Variants in MTAP observed in about 807,000 individuals in gnomAD.
MTAP encodes S-methyl-5'-thioadenosine phosphorylase.
A neutral mutation model predicts 33.6 loss-of-function variants in MTAP; 33 were observed. The ratio of observed to expected loss-of-function variants is 0.98; its 90% CI spans 0.74 to 1.31. The LOEUF (loss-of-function observed/expected upper bound fraction) is 1.31, where lower values mean the gene tolerates loss of function less well. Among genes scored for constraint, MTAP ranks in the 40% most tolerant of loss-of-function variants. The pLI is 0.00. For missense variants in MTAP, 367 were observed against 360.0 expected (o/e 1.02, Z -0.16); for synonymous variants, 148 against 125.7 (o/e 1.18, Z -1.19).
At chr9:21,806,676 T>C (rs1473339950) in intron 1 of MTAP, among the ~76,000 whole-genome samples, 2 of 152,122 alleles carry the variant, frequency 1.3e-5, no homozygotes, top group African/African-American at 4.8e-5. Context: ...AGCCAGAGGC[T>C]ATGGGATTAA....
chr9:21,926,219 G>A (rs1818867075), intron 1 of MTAP, among the ~76,000 whole-genome samples: 2 of 152,168 alleles, frequency 1.3e-5, no homozygotes, highest in Non-Finnish European at 2.9e-5. Flanking sequence ...TAACCTTGTA[G>A]AAGGCAGCTT....
intron 4 of MTAP, among the ~76,000 whole-genome samples, chr9:21,826,944 G>A (rs941733784): frequency 6.6e-6 from 1 of 152,116 alleles, no homozygotes; most frequent in African/African-American, 2.4e-5. Flanking sequence ...ACTGCACGTG[G>A]AAGGGATCTG....
At chr9:21,874,236 A>G (rs949033932) in intron 1 of MTAP, among the ~76,000 whole-genome samples, 3 of 152,356 alleles carry the variant, frequency 2.0e-5, no homozygotes, top group Middle Eastern at 3.4e-3. Flanking sequence ...TGTTTATTCT[A>G]TAATCCCACT....
At chr9:21,804,963 A>G (rs1824170467) in intron 1 of MTAP, among the ~76,000 whole-genome samples, 1 of 152,234 alleles carries the variant, frequency 6.6e-6, no homozygotes, top group South Asian at 2.1e-4. Context: ...AGCACTTGAT[A>G]GAATGTCCAT....
At chr9:21,821,835 A>T (rs143366195) in intron 4 of MTAP, among the ~76,000 whole-genome samples, 1 of 152,116 alleles carries the variant, frequency 6.6e-6, no homozygotes, top group African/African-American at 2.4e-5. Flanking sequence ...CAGGGATTCA[A>T]TTTCTTCCTG....
chr9:21,871,933 T>A (rs964079122), downstream of MTAP, among the ~76,000 whole-genome samples: 1 of 152,214 alleles, frequency 6.6e-6, no homozygotes, highest in African/African-American at 2.4e-5. Flanking sequence ...ATTGTCTGAT[T>A]TCAGTCTTAT....
At chr9:21,930,654 C>T (rs941218777) in intron 1 of MTAP, 2 of 479,510 alleles carry the variant, frequency 4.2e-6, no homozygotes, top group Admixed American at 6.8e-5. Flanking sequence ...AAAACCTCAA[C>T]CATGGCCAGA....
At chr9:21,818,926 C>G (rs1824557225) in intron 4 of MTAP, among the ~76,000 whole-genome samples, 1 of 152,176 alleles carries the variant, frequency 6.6e-6, no homozygotes, top group Admixed American at 6.5e-5. Context: ...TCCCCAAACC[C>G]CAGCCCCTGG....
At chr9:21,895,939 C>A (rs915564005) in intron 1 of MTAP, among the ~76,000 whole-genome samples, 21 of 152,158 alleles carry the variant, frequency 1.4e-4, no homozygotes, top group African/African-American at 5.1e-4. Flanking sequence ...ACTCTCCACC[C>A]CAAATCAACA....
At chr9:21,834,743 T>A (rs562203006) in intron 4 of MTAP, among the ~76,000 whole-genome samples, 1 of 152,228 alleles carries the variant, frequency 6.6e-6, no homozygotes, top group Non-Finnish European at 1.5e-5. Flanking sequence ...AGTCAGCTTG[T>A]TAGCAACCTT....
intron 1 of MTAP, among the ~76,000 whole-genome samples, chr9:21,904,656 A>C (rs1644629019): frequency 6.6e-6 from 1 of 152,202 alleles, no homozygotes; most frequent in African/African-American, 2.4e-5. Flanking sequence ...CAGAGAAAAC[A>C]GGGCAAAAAG....
rs143107602 is a variant in MTAP at position 21,914,784 on chromosome 9, TA to T, written c.148-16214del. ...TACCCTGGAACTTAAAGTATAATAA[TA>T]AAAAAAAAATAATAAACAAATGGTA... On this transcript the variant is annotated intron_variant, in intron 1 of 1. Transcript: ENST00000577563. Among the ~76,000 whole-genome samples, 507 of 137,344 alleles carry T rather than the reference TA, an allele frequency of 3.7e-3. 3 individuals are homozygous for T. The highest frequency in any genetic ancestry group is 0.012 in the African/African-American group (432 of 37,302). 90.1% of individuals were successfully genotyped at this position (137,344 alleles called of 152,430 possible). A position where few individuals can be genotyped will look rare whatever the true frequency, so the allele number is the denominator to read the frequency against.
intron 1 of MTAP, among the ~76,000 whole-genome samples, chr9:21,898,062 C>T (rs190653415): frequency 3.9e-5 from 6 of 152,190 alleles, no homozygotes; most frequent in East Asian, 1.9e-4. Flanking sequence ...GAATAGAGCC[C>T]GTGGAAATAA....
intron 5 of MTAP, among the ~76,000 whole-genome samples, chr9:21,841,310 G>A (rs547726452): frequency 6.6e-6 from 1 of 152,216 alleles, no homozygotes; most frequent in Non-Finnish European, 1.5e-5. Context: ...CTCCTGGCTG[G>A]AGGCCAGTCA....
chr9:21,866,866 C>T lies in MTAP; in HGVS notation c.*4852C>T, dbSNP rs1382608688. 4 of 151,896 alleles carry T rather than the reference C, an allele frequency of 2.6e-5. No individual in the cohort carries two copies. The highest frequency in any genetic ancestry group is 4.4e-5 in the Non-Finnish European group (3 of 67,942). 9.4% of individuals were successfully genotyped at this position (151,896 alleles called of 1,614,324 possible). A position where few individuals can be genotyped will look rare whatever the true frequency, so the allele number is the denominator to read the frequency against. On this transcript the variant is annotated 3_prime_UTR_variant, in exon 8 of 8. Transcript: ENST00000644715. ...TGGTATGTTTCTGCATTTATTTGGG[C>T]CTTTTAAAATTTATCTCAGCAATAT...
At chr9:21,806,261 G>A (rs1824205167) in intron 1 of MTAP, among the ~76,000 whole-genome samples, 1 of 152,062 alleles carries the variant, frequency 6.6e-6, no homozygotes, top group Admixed American at 6.5e-5. Context: ...TAATCAGATT[G>A]GGGATAGAAT....
chr9:21,918,121 C>CTT, intron 1 of MTAP, among the ~76,000 whole-genome samples: 1 of 129,136 alleles, frequency 7.7e-6, no homozygotes, highest in African/African-American at 4.0e-5. Context: ...GAGGCCGAGG[C>CTT]GGGCGGATCA....
intron 1 of MTAP, chr9:21,930,969 A>G (rs774717004): frequency 1.4e-6 from 1 of 738,012 alleles, no homozygotes; most frequent in South Asian, 1.4e-5. Flanking sequence ...GTCTTCAAAA[A>G]TCTAATAACC....
At chr9:21,882,443 A>G in intron 1 of MTAP, among the ~76,000 whole-genome samples, 1 of 152,022 alleles carries the variant, frequency 6.6e-6, no homozygotes. Flanking sequence ...TGATCCGAAG[A>G]GTTAATATTA....
Sources: allele counts gnomAD v4.1 joint callset (sites outside exome capture counted in the v4.1 genomes callset), GRCh38; gene constraint gnomAD v4.1.1; transcripts MANE v1.5; gene names NCBI Gene and HGNC (gene_info 2026-07-23, HGNC 2026-07-21).